CFAP418: variants seen among roughly 807,000 people sequenced by gnomAD.
CFAP418 encodes cilia- and flagella-associated protein 418.
CFAP418 carries 27 observed loss-of-function variants against 24.7 expected under a neutral mutation model. The observed-to-expected ratio is 1.09, with a 90% CI of 0.81 to 1.51. CFAP418 has a LOEUF of 1.51. Among genes scored for constraint, CFAP418 ranks in the 40% most tolerant of loss-of-function variants. The pLI is 0.00. For synonymous variants in CFAP418, 74 were observed against 87.3 expected (o/e 0.85, Z 0.85); for missense variants, 257 against 255.2 (o/e 1.01, Z -0.05).
chr8:95,245,033 A>T lies in CFAP418; in HGVS notation c.*2584T>A, dbSNP rs1811593653. On this transcript the variant is annotated 3_prime_UTR_variant, in exon 6 of 6. Coordinates refer to ENST00000286688, the MANE Select transcript of CFAP418 (RefSeq NM_177965.4). ...GGGTCTGAGAGTATAATACAGTTCA[A>T]ATAAAGAAGTTACCTGGCTTAAAAA... 6.6e-6 allele frequency: 1 copy of T among 152,204 alleles called. No homozygotes were observed. The highest frequency in any genetic ancestry group is 2.4e-5 in the African/African-American group (1 of 41,448). The allele number at this position is 152,204 out of a possible 1,614,324, so 9.4% of individuals were successfully genotyped here.
chr8:95,268,805 T>A, intron 1 of CFAP418: 1 of 285,590 alleles, frequency 3.5e-6, no homozygotes, highest in South Asian at 5.9e-5. Flanking sequence ...GCCAGCCCTC[T>A]GGGGCATGCC....
chr8:95,267,153 C>T (rs1812000984), intron 1 of CFAP418, among the ~76,000 whole-genome samples: 1 of 152,188 alleles, frequency 6.6e-6, no homozygotes, highest in Non-Finnish European at 1.5e-5. Flanking sequence ...CAACATCCAG[C>T]CAAATGAGTG....
chr8:95,260,474 C>T lies in CFAP418; in HGVS notation c.302G>A (p.Gly101Asp), dbSNP rs1173823825. ...TSVRASIEGL[G>D]KSCSPVYLGG... ...CAAAGCAATCTCAACTTACCTTTTA[C>T]CAAGGCCTTCAATGGAAGCTCTGAC... Residue 101 changes from glycine (G) to aspartate (D), a missense_variant, in exon 3 of 6, where the codon GGT becomes GAT. Gly to Asp is a moderately conservative substitution (Grantham distance 94, BLOSUM62 -1). Coordinates refer to ENST00000286688, the MANE Select transcript of CFAP418 (RefSeq NM_177965.4). 6.3e-7 allele frequency: 1 copy of T among 1,586,984 alleles called. No homozygotes were observed. The highest frequency in any genetic ancestry group is 8.5e-7 in the Non-Finnish European group (1 of 1,170,838).
chr8:95,250,822 G>A (rs913396244), intron 5 of CFAP418, among the ~76,000 whole-genome samples: 3 of 151,940 alleles, frequency 2.0e-5, no homozygotes, highest in Non-Finnish European at 4.4e-5. Flanking sequence ...GTGTATGAGG[G>A]GCATTCAAAG....
intron 4 of CFAP418, 108 bp downstream of exon 4, chr8:95,259,732 T>A: frequency 1.2e-6 from 1 of 807,074 alleles, no homozygotes; most frequent in East Asian, 2.8e-5. Flanking sequence ...TAAAAATACC[T>A]CTCCTTATAA....
intron 4 of CFAP418, among the ~76,000 whole-genome samples, chr8:95,253,885 C>G (rs1361149178): frequency 1.3e-5 from 2 of 152,144 alleles, no homozygotes; most frequent in African/African-American, 4.8e-5. Flanking sequence ...TACATATGTG[C>G]AATTTGGCTG....
intron 5 of CFAP418, among the ~76,000 whole-genome samples, chr8:95,251,356 C>A (rs1402313765): frequency 1.3e-5 from 2 of 152,118 alleles, no homozygotes. Context: ...GAAGGCATCC[C>A]AAGAGGTAAA....
In CFAP418 at chr8:95,263,792, A is replaced by G; in HGVS notation, c.156-18T>C. On this transcript the variant is annotated intron_variant, in intron 1 of 5. Transcript: ENST00000286688. ...CTGTTGATCTGAAAAGAAGACATACACAAAGAAAACTTACCTGAGGTTTAT... is the reference window on the plus strand; with the variant it reads ...CTGTTGATCTGAAAAGAAGACATACGCAAAGAAAACTTACCTGAGGTTTAT... The G allele has an allele frequency of 6.7e-7, 1 of 1,484,996 alleles. No individual in the cohort carries two copies. Among genetic ancestry groups the G allele is most frequent in the Non-Finnish European group, 9.4e-7 (1 of 1,067,794 alleles). The allele number at this position is 1,484,996 out of a possible 1,614,324, so 92.0% of individuals were successfully genotyped here.
intron 4 of CFAP418, among the ~76,000 whole-genome samples, chr8:95,256,280 T>C (rs930389870): frequency 2.0e-5 from 3 of 152,196 alleles, no homozygotes; most frequent in Non-Finnish European, 4.4e-5. Context: ...ATGTATTTCC[T>C]GAGATAAAAT....
intron 4 of CFAP418, among the ~76,000 whole-genome samples, chr8:95,256,717 C>T (rs530094493): frequency 1.9e-4 from 29 of 151,990 alleles, no homozygotes; most frequent in African/African-American, 6.8e-4. Context: ...TTTAAAAAAT[C>T]GAAAAAATTT....
chr8:95,250,639 C>T (rs961233788), intron 5 of CFAP418, among the ~76,000 whole-genome samples: 43 of 152,292 alleles, frequency 2.8e-4, no homozygotes, highest in African/African-American at 1.0e-3. Flanking sequence ...AAGGGAAAGT[C>T]AACCTGTAAT....
intron 5 of CFAP418, among the ~76,000 whole-genome samples, chr8:95,249,545 C>T (rs144682935): frequency 2.0e-5 from 3 of 151,962 alleles, no homozygotes; most frequent in African/African-American, 2.4e-5. Context: ...CCTAGCTGCT[C>T]GAGAGGCTGA....
At chr8:95,264,536 G>A (rs1563474646) in intron 1 of CFAP418, among the ~76,000 whole-genome samples, 1 of 152,132 alleles carries the variant, frequency 6.6e-6, no homozygotes, top group Non-Finnish European at 1.5e-5. Flanking sequence ...TATAAGTAGT[G>A]GGAGAAAAGG....
Position 95,269,073 on chromosome 8 carries a change from A to G in CFAP418, c.117T>C (p.Ser39=). 1 of 1,614,120 alleles carries G rather than the reference A, an allele frequency of 6.2e-7. No homozygotes were observed. The part of the protein sequence containing the change: ...QPKGCGGGTH[S]SDRNQAKAKE... The stretch of plus-strand genomic sequence containing the variant: ...TCGCCTTGGCTTGGTTCCGGTCGCT[A>G]CTGTGGGTGCCGCCGCCGCAGCCTT... Residue 39 remains serine (S), a synonymous_variant, in exon 1 of 6, where the codon AGT becomes AGC. Transcript: ENST00000286688.
At chr8:95,263,889 A>G (rs1293623044) in intron 1 of CFAP418, 115 bp from the exon 2 acceptor site, 1 of 611,542 alleles carries the variant, frequency 1.6e-6, no homozygotes, top group African/African-American at 1.9e-5. Flanking sequence ...GAAAGATAAA[A>G]GTGATTTTAA....
chr8:95,259,407 GA>G (rs1261062707), intron 4 of CFAP418, among the ~76,000 whole-genome samples: 2 of 152,180 alleles, frequency 1.3e-5, no homozygotes, highest in Non-Finnish European at 2.9e-5. Flanking sequence ...TTTTGTTTTT[GA>G]AATATGTAAA....
At position 95,247,543 on chromosome 8, in the gene CFAP418, A is replaced by G. The variant is rs1811640920; in HGVS notation, c.*74T>C. 4.5e-6 allele frequency: 7 copies of G among 1,559,728 alleles called. No homozygotes were observed. Among genetic ancestry groups the G allele is most frequent in the Non-Finnish European group, 5.3e-6 (6 of 1,134,752 alleles). On this transcript the variant is annotated 3_prime_UTR_variant, in exon 6 of 6. Coordinates refer to ENST00000286688, the MANE Select transcript of CFAP418 (RefSeq NM_177965.4). Reference sequence around the variant, plus strand: ...ACAGGGAATGGTATTGCTAGGGACTATTGTCTAAACATGATGATGATTCAT... The same window carrying G: ...ACAGGGAATGGTATTGCTAGGGACTGTTGTCTAAACATGATGATGATTCAT...
At chr8:95,263,528 C>T (rs1364850574) in intron 2 of CFAP418, among the ~76,000 whole-genome samples, 159 bp downstream of exon 2, 1 of 152,162 alleles carries the variant, frequency 6.6e-6, no homozygotes, top group East Asian at 1.9e-4. Flanking sequence ...TGATATTTTA[C>T]TGCTTCTACT....
chr8:95,257,771 A>G (rs923234993), intron 4 of CFAP418, among the ~76,000 whole-genome samples: 13 of 152,202 alleles, frequency 8.5e-5, no homozygotes, highest in African/African-American at 3.1e-4. Flanking sequence ...AATACTTGAT[A>G]ATGATAATAA....
Sources: allele counts gnomAD v4.1 joint callset (sites outside exome capture counted in the v4.1 genomes callset), GRCh38; gene constraint gnomAD v4.1.1; transcripts MANE v1.5; gene names NCBI Gene and HGNC (gene_info 2026-07-23, HGNC 2026-07-21).